Variants in SLC22A23 observed in about 807,000 individuals in gnomAD.
SLC22A23 encodes the protein ion transporter protein.
SLC22A23 carries 26 observed loss-of-function variants against 61.0 expected under a neutral mutation model. The ratio of observed to expected loss-of-function variants is 0.43; its 90% CI spans 0.31 to 0.59. The LOEUF (loss-of-function observed/expected upper bound fraction) is 0.59, where lower values mean the gene tolerates loss of function less well. Among genes scored for constraint, SLC22A23 ranks in the 20% least tolerant of loss-of-function variants. The pLI is 0.11. For synonymous variants in SLC22A23, 430 were observed against 413.9 expected (o/e 1.04, Z -0.47); for missense variants, 796 against 934.7 (o/e 0.85, Z 1.94).
In SLC22A23 at chr6:3,317,656, G is replaced by T. The variant is rs1045872262; in HGVS notation, c.1082+6178C>A. Reference sequence around the variant, plus strand: ...GTGACAATCAATGCCTGAGCAAAATGACTAAAGATGCATTTCTCTTCAGGC... The same window carrying T: ...GTGACAATCAATGCCTGAGCAAAATTACTAAAGATGCATTTCTCTTCAGGC... On this transcript the variant is annotated intron_variant, in intron 4 of 9. Transcript: ENST00000406686. This position sits in a 1 kb window ranked among gnomAD's most constrained non-coding sequence, Gnocchi z 4.4. 6.6e-6 allele frequency among the ~76,000 whole-genome samples: 1 copy of T among 152,172 alleles called. No homozygotes were observed. Among genetic ancestry groups the T allele is most frequent in the Non-Finnish European group, 1.5e-5 (1 of 68,024 alleles).
At chr6:3,366,011 A>T (rs1411147874) in intron 3 of SLC22A23, among the ~76,000 whole-genome samples, 1 of 152,104 alleles carries the variant, frequency 6.6e-6, no homozygotes, top group African/African-American at 2.4e-5. Flanking sequence ...GACACAGTGG[A>T]AGGTCCATGG....
chr6:3,439,940 G>A (rs897470176), intron 1 of SLC22A23, among the ~76,000 whole-genome samples: 4 of 152,126 alleles, frequency 2.6e-5, no homozygotes, highest in East Asian at 1.9e-4. Flanking sequence ...TCCCTGTGGG[G>A]ATGATGGGGA....
At chr6:3,445,233 G>C (rs551179415) in intron 1 of SLC22A23, among the ~76,000 whole-genome samples, 7 of 151,384 alleles carry the variant, frequency 4.6e-5, no homozygotes, top group African/African-American at 1.5e-4. Context: ...GAGTCTCACT[G>C]TGTCCCCCAG....
At chr6:3,400,029 C>G (rs1198034881) in intron 3 of SLC22A23, among the ~76,000 whole-genome samples, 1 of 152,152 alleles carries the variant, frequency 6.6e-6, no homozygotes, top group African/African-American at 2.4e-5. Context: ...CAGGCATGCA[C>G]CACCATGCCT....
chr6:3,427,310 G>T lies in SLC22A23; in HGVS notation c.655-11455C>A, dbSNP rs1300790380. ...CTGTCAGTTAAGCAGGTCCTCGGGG[G>T]CTTATGTCTGTTGGTAAGTAACATT... On this transcript the variant is annotated intron_variant, in intron 1 of 9. Coordinates refer to ENST00000406686, the MANE Select transcript of SLC22A23 (RefSeq NM_015482.2). The surrounding 1 kb of genome is among the most constrained non-coding windows in gnomAD (Gnocchi z 4.3). Among the ~76,000 whole-genome samples the T allele has an allele frequency of 6.6e-6, 1 of 152,112 alleles. No individual in the cohort carries two copies. The highest frequency in any genetic ancestry group is 2.4e-5 in the African/African-American group (1 of 41,386).
At chr6:3,349,236 G>A (rs1764623733) in intron 3 of SLC22A23, among the ~76,000 whole-genome samples, 1 of 152,214 alleles carries the variant, frequency 6.6e-6, no homozygotes, top group Non-Finnish European at 1.5e-5. Flanking sequence ...TAGCCACCAA[G>A]CAGCTCAGCA....
chr6:3,452,599 T>TAAAAAAAA lies in SLC22A23; in HGVS notation c.654+3299_654+3306dup, dbSNP rs570923626. Among the ~76,000 whole-genome samples, 6 of 40,560 alleles carry TAAAAAAAA rather than the reference T, an allele frequency of 1.5e-4. 1 individual carries two copies. The highest frequency in any genetic ancestry group is 2.5e-4 in the Non-Finnish European group (6 of 24,308). 26.6% of individuals were successfully genotyped at this position (40,560 alleles called of 152,430 possible). Reference sequence around the variant, plus strand: ...CTGGGCAACAGAGCCAGACGCTGTCTAAAAAAAAAAAAAAAAAAAAAAAAA... The same window carrying TAAAAAAAA: ...CTGGGCAACAGAGCCAGACGCTGTCTAAAAAAAAAAAAAAAAAAAAAAAAAAAAAAAAA... On this transcript the variant is annotated intron_variant, in intron 1 of 9. Transcript: ENST00000406686.
chr6:3,336,522 G>T (rs1763867467), intron 3 of SLC22A23, among the ~76,000 whole-genome samples: 1 of 152,162 alleles, frequency 6.6e-6, no homozygotes, highest in South Asian at 2.1e-4. Context: ...CTTCTCACAG[G>T]CTGCTCTTCT....
chr6:3,362,412 A>AT lies in SLC22A23; in HGVS notation c.914-38411_914-38410insA, dbSNP rs950238949. Reference sequence around the variant, plus strand: ...AGCGAGATTCCGTCTCACAAAAAAAAAAAATAAAATAAAAAATAAAAAATA... The same window carrying AT: ...AGCGAGATTCCGTCTCACAAAAAAAATAAAATAAAATAAAAAATAAAAAATA... On this transcript the variant is annotated intron_variant, in intron 3 of 9. Coordinates refer to ENST00000406686, the MANE Select transcript of SLC22A23 (RefSeq NM_015482.2). Among the ~76,000 whole-genome samples the AT allele has an allele frequency of 5.8e-4, 58 of 99,472 alleles. 1 individual carries two copies. Among genetic ancestry groups the AT allele is most frequent in the African/African-American group, 2.3e-3 (56 of 24,180 alleles). The allele number at this position is 99,472 out of a possible 152,430, so 65.3% of individuals were successfully genotyped here. A position where few individuals can be genotyped will look rare whatever the true frequency, so the allele number is the denominator to read the frequency against.
chr6:3,362,176 G>T (rs1016166450), intron 3 of SLC22A23, among the ~76,000 whole-genome samples: 36 of 151,778 alleles, frequency 2.4e-4, no homozygotes, highest in African/African-American at 8.5e-4. Context: ...GGCCGAGGTG[G>T]GTGGATTGCC....
rs1408227132 is a variant in SLC22A23, at chr6:3,273,044, C to T, written c.*11G>A. On this transcript the variant is annotated 3_prime_UTR_variant, in exon 10 of 10. Transcript: ENST00000406686. ...CCCCAGACCCTGGAGCCCCGGGTTCCGCAGGCCGGGCTACATGGCCTTCAT... is the reference window on the plus strand; with the variant it reads ...CCCCAGACCCTGGAGCCCCGGGTTCTGCAGGCCGGGCTACATGGCCTTCAT... 17 of 1,527,688 alleles carry T rather than the reference C, an allele frequency of 1.1e-5. No homozygotes were observed. The highest frequency in any genetic ancestry group is 5.9e-5 in the Admixed American group (3 of 50,910). 94.6% of individuals were successfully genotyped at this position (1,527,688 alleles called of 1,614,324 possible). A position where few individuals can be genotyped will look rare whatever the true frequency, so the allele number is the denominator to read the frequency against.
intron 1 of SLC22A23, among the ~76,000 whole-genome samples, chr6:3,448,671 T>A (rs1772031643): frequency 1.3e-5 from 2 of 152,150 alleles, no homozygotes; most frequent in African/African-American, 4.8e-5. Context: ...TTTTTTTGTA[T>A]GTTTAGTAGA....
intron 5 of SLC22A23, among the ~76,000 whole-genome samples, chr6:3,295,250 T>G (rs1760976272): frequency 6.6e-6 from 1 of 152,162 alleles, no homozygotes; most frequent in South Asian, 2.1e-4. Flanking sequence ...GCTGAAGTTG[T>G]AACAGTGAAT....
At chr6:3,349,392 G>A (rs1474894404) in intron 3 of SLC22A23, among the ~76,000 whole-genome samples, 1 of 152,092 alleles carries the variant, frequency 6.6e-6, no homozygotes, top group Non-Finnish European at 1.5e-5. Flanking sequence ...CGGCCAAATT[G>A]ACTCCTACCA....
rs949775510 is a variant in SLC22A23, at chr6:3,308,550, A to C, written c.1083-10332T>G. Among the ~76,000 whole-genome samples, 1 of 152,136 alleles carries C rather than the reference A, an allele frequency of 6.6e-6. No homozygotes were observed. The highest frequency in any genetic ancestry group is 2.4e-5 in the African/African-American group (1 of 41,418). On this transcript the variant is annotated intron_variant, in intron 4 of 9. Coordinates refer to ENST00000406686, the MANE Select transcript of SLC22A23 (RefSeq NM_015482.2). The surrounding 1 kb of genome is among the most constrained non-coding windows in gnomAD (Gnocchi z 5.1). Reference sequence around the variant, plus strand: ...CTTGAATAAAAGCACATTAATTCCTACTTGTGAGGGGAGGGCACTAACTCA... The same window carrying C: ...CTTGAATAAAAGCACATTAATTCCTCCTTGTGAGGGGAGGGCACTAACTCA...
chr6:3,355,853 C>T (rs1053447672), intron 3 of SLC22A23, among the ~76,000 whole-genome samples: 60 of 150,438 alleles, frequency 4.0e-4, no homozygotes, highest in African/African-American at 1.4e-3. Flanking sequence ...CGCATCGACA[C>T]GGAGGAGCCA....
At chr6:3,315,130 T>C (rs1286004660) in intron 4 of SLC22A23, among the ~76,000 whole-genome samples, 2 of 151,072 alleles carry the variant, frequency 1.3e-5, no homozygotes, top group African/African-American at 2.4e-5. Context: ...ATTTTTCTAC[T>C]AGGTGTGCAC....
At chr6:3,275,445 TAAAAG>T (rs551785909) in intron 9 of SLC22A23, among the ~76,000 whole-genome samples, 404 of 152,148 alleles carry the variant, frequency 2.7e-3, no homozygotes, top group Middle Eastern at 0.014. Context: ...GTAGGATCCA[TAAAAG>T]AAAAAGCTGA....
At chr6:3,385,228 A>G (rs146421211) in intron 3 of SLC22A23, among the ~76,000 whole-genome samples, 1 of 152,274 alleles carries the variant, frequency 6.6e-6, no homozygotes, top group Non-Finnish European at 1.5e-5. Flanking sequence ...AATGGTTAAG[A>G]TGGGCTGGGC....
Sources: gnomAD v4.1 joint callset for allele counts (sites outside exome capture counted in the v4.1 genomes callset) on GRCh38, gnomAD v4.1.1 for gene constraint, Gnocchi (gnomAD v3.1) non-coding constraint, MANE v1.5 for transcripts, NCBI Gene and HGNC (gene_info 2026-07-23, HGNC 2026-07-21) for gene names.